Variants in ATXN2 observed in about 807,000 individuals in gnomAD.
The protein encoded by ATXN2 is ataxin-2.
A neutral mutation model predicts 138.6 loss-of-function variants in ATXN2; 37 were observed. The ratio of observed to expected loss-of-function variants is 0.27; its 90% confidence interval spans 0.21 to 0.35. The LOEUF (loss-of-function observed/expected upper bound fraction) is 0.35. Ranked by LOEUF, ATXN2 falls within the 10% of genes least tolerant of loss-of-function variation. ATXN2 has a pLI of 1.00. For synonymous variants in ATXN2, 549 were observed against 543.7 expected (o/e 1.01, Z -0.13); for missense variants, 1,216 against 1,480.3 (o/e 0.82, Z 2.93).
At chr12:111,569,815 C>T (rs1014508440) in intron 1 of ATXN2, among the ~76,000 whole-genome samples, 4 of 152,050 alleles carry the variant, frequency 2.6e-5, no homozygotes, top group Non-Finnish European at 5.9e-5. Flanking sequence ...AAGGCTTGGT[C>T]ATGAAGCCAT....
chr12:111,532,456 G>A (rs1880889139), intron 5 of ATXN2, among the ~76,000 whole-genome samples: 1 of 152,126 alleles, frequency 6.6e-6, no homozygotes, highest in African/African-American at 2.4e-5. Context: ...CTCAGCCTGG[G>A]AGACAGAGCG....
At chr12:111,581,312 G>A in intron 1 of ATXN2, 1 of 512,634 alleles carries the variant, frequency 2.0e-6, no homozygotes, top group East Asian at 3.8e-5. Context: ...CAAACTACCA[G>A]GGAAAGGGAG....
intron 1 of ATXN2, chr12:111,597,969 G>A (rs1317217713): frequency 1.6e-6 from 2 of 1,221,218 alleles, no homozygotes; most frequent in Non-Finnish European, 1.0e-6. Flanking sequence ...ATGCGGATCG[G>A]CCACCACCCG....
chr12:111,540,131 G>A (rs1881417566), intron 5 of ATXN2, among the ~76,000 whole-genome samples: 1 of 148,058 alleles, frequency 6.8e-6, no homozygotes, highest in South Asian at 2.1e-4. Flanking sequence ...GTATGAAATA[G>A]AAATAGAACA....
chr12:111,493,484 A>T (rs1321239654), intron 14 of ATXN2, among the ~76,000 whole-genome samples: 2 of 152,028 alleles, frequency 1.3e-5, no homozygotes, highest in African/African-American at 4.8e-5. Context: ...AACAATAATA[A>T]ATCACCTGAA....
At chr12:111,525,588 A>T (rs1383622161) in intron 5 of ATXN2, among the ~76,000 whole-genome samples, 1 of 152,246 alleles carries the variant, frequency 6.6e-6, no homozygotes, top group Non-Finnish European at 1.5e-5. Context: ...TATAGTATTC[A>T]GTAAAAGTAT....
At chr12:111,530,204 T>C (rs1207873296) in intron 5 of ATXN2, among the ~76,000 whole-genome samples, 1 of 152,196 alleles carries the variant, frequency 6.6e-6, no homozygotes, top group Non-Finnish European at 1.5e-5. Context: ...ACTTACTGAG[T>C]ACCTACAATG....
intron 18 of ATXN2, among the ~76,000 whole-genome samples, chr12:111,472,763 G>A (rs980635038): frequency 5.3e-5 from 8 of 151,828 alleles, no homozygotes; most frequent in South Asian, 2.1e-4. Flanking sequence ...TAGTAGAGAC[G>A]GGGTTTCACC....
intron 1 of ATXN2, among the ~76,000 whole-genome samples, chr12:111,573,685 T>C (rs1257067341): frequency 1.3e-5 from 2 of 152,174 alleles, no homozygotes; most frequent in East Asian, 3.8e-4. Flanking sequence ...AAAACAGATA[T>C]GGCACTACCA....
chr12:111,542,682 G>A (rs1592882580), intron 5 of ATXN2, among the ~76,000 whole-genome samples: 1 of 151,976 alleles, frequency 6.6e-6, no homozygotes, highest in South Asian at 2.1e-4. Flanking sequence ...GCCAAGGCGA[G>A]TCTTGAACTC....
chr12:111,598,165 C>T lies in ATXN2; in HGVS notation c.251+619G>A. On this transcript the variant is annotated intron_variant, in intron 1 of 24. Transcript: ENST00000673436. The surrounding 1 kb of genome is among the most constrained non-coding windows in gnomAD (Gnocchi z 4.5). ...ACACGAACGCAGAGGGGTGCGGGGGCCAAGGCCCACTTGTCTCCACCCCGT... is the reference window on the plus strand; with the variant it reads ...ACACGAACGCAGAGGGGTGCGGGGGTCAAGGCCCACTTGTCTCCACCCCGT... The T allele has an allele frequency of 9.2e-7, 1 of 1,090,024 alleles. No individual in the cohort carries two copies. Among genetic ancestry groups the T allele is most frequent in the Non-Finnish European group, 1.1e-6 (1 of 888,374 alleles). The allele number at this position is 1,090,024 out of a possible 1,614,324, so 67.5% of individuals were successfully genotyped here.
chr12:111,543,576 G>A (rs770304568), intron 5 of ATXN2, among the ~76,000 whole-genome samples: 2 of 152,038 alleles, frequency 1.3e-5, no homozygotes, highest in Non-Finnish European at 1.5e-5. Context: ...TGGGATTAGA[G>A]GCGCACACCA....
In ATXN2 at chr12:111,516,072, G is replaced by C. The variant is rs1879839374; in HGVS notation, c.1375+82C>G. ...AAATTATAGGTTATTAAATAATGAA[G>C]AGGAAACTATTTTGTAATTATAAAC... is the stretch of plus-strand genomic sequence containing the variant. On this transcript the variant is annotated intron_variant, in intron 10 of 24. Transcript: ENST00000673436. The surrounding 1 kb of genome is among the most constrained non-coding windows in gnomAD (Gnocchi z 5.0). The C allele has an allele frequency of 7.8e-7, 1 of 1,281,896 alleles. No homozygotes were observed. The highest frequency in any genetic ancestry group is 2.6e-5 in the East Asian group (1 of 38,866). The allele number at this position is 1,281,896 out of a possible 1,614,324, so 79.4% of individuals were successfully genotyped here. A position where few individuals can be genotyped will look rare whatever the true frequency, so the allele number is the denominator to read the frequency against.
chr12:111,547,978 A>G (rs1014309384), intron 5 of ATXN2, among the ~76,000 whole-genome samples: 4 of 151,938 alleles, frequency 2.6e-5, no homozygotes, highest in African/African-American at 9.7e-5. Flanking sequence ...GGATCACCTA[A>G]GGTCAGGAGC....
chr12:111,465,725 G>A (rs1488965887), intron 20 of ATXN2, among the ~76,000 whole-genome samples: 4 of 127,584 alleles, frequency 3.1e-5, no homozygotes, highest in African/African-American at 1.2e-4. Context: ...AGCTGAGATC[G>A]CACCGCTGCA....
chr12:111,457,086 A>G, intron 22 of ATXN2, 128 bp downstream of exon 22: 2 of 1,191,288 alleles, frequency 1.7e-6, no homozygotes, highest in Non-Finnish European at 1.2e-6. Context: ...CCAGGGGCAC[A>G]GCTGTATCCA....
chr12:111,507,258 G>A (rs1879193475), intron 14 of ATXN2, among the ~76,000 whole-genome samples: 1 of 150,476 alleles, frequency 6.6e-6, no homozygotes, highest in Non-Finnish European at 1.5e-5. Context: ...GAGATGTGGG[G>A]AGCGCCTCTG....
rs1874794556 is a variant in ATXN2 at position 111,453,120 on chromosome 12, G to A, written c.3440-280C>T. 17 of 1,251,414 alleles carry A rather than the reference G, an allele frequency of 1.4e-5. No individual in the cohort carries two copies. The highest frequency in any genetic ancestry group is 1.6e-5 in the Non-Finnish European group (16 of 996,922). The allele number at this position is 1,251,414 out of a possible 1,614,324, so 77.5% of individuals were successfully genotyped here. On this transcript the variant is annotated intron_variant, in intron 24 of 24. Transcript: ENST00000673436. The surrounding 1 kb of genome is among the most constrained non-coding windows in gnomAD (Gnocchi z 5.4). ...TAACAAACCCCCTCCCCAAATATTA[G>A]CCAAGCACCAGTATTGCTTTCAGAA...
chr12:111,538,115 A>C (rs572749618), intron 5 of ATXN2, among the ~76,000 whole-genome samples: 2 of 152,178 alleles, frequency 1.3e-5, no homozygotes, highest in East Asian at 3.9e-4. Context: ...GAAAAAAAAA[A>C]ACCTAATTTT....
Sources: gnomAD v4.1 joint callset for allele counts (sites outside exome capture counted in the v4.1 genomes callset) on GRCh38, gnomAD v4.1.1 for gene constraint, Gnocchi (gnomAD v3.1) non-coding constraint, MANE v1.5 for transcripts, NCBI Gene and HGNC (gene_info 2026-07-23, HGNC 2026-07-21) for gene names.